The following RUBCN variants were observed in gnomAD, a reference collection of about 807,000 sequenced individuals.
The protein encoded by RUBCN is run domain Beclin-1-interacting and cysteine-rich domain-containing protein.
In RUBCN, 74 loss-of-function variants were observed where a neutral mutation model predicts 113.2. The observed-to-expected ratio is 0.65, with a 90% CI of 0.54 to 0.79. The LOEUF is 0.79. RUBCN is among the 30% of genes least tolerant of loss of function. The pLI is 0.00. For synonymous variants in RUBCN, 480 were observed against 490.0 expected, an observed-to-expected ratio of 0.98 and a Z score of 0.27; for missense variants, 1,109 against 1,251.7, an observed-to-expected ratio of 0.89 and a Z score of 1.72.
intron 7 of RUBCN, among the ~76,000 whole-genome samples, chr3:197,698,829 CA>C (rs113975138): frequency 0.08 from 2,480 of 31,044 alleles, 13 homozygotes; most frequent in Middle Eastern, 0.14. Flanking sequence ...CCTGTCTCTA[CA>C]AAAAAAAAAA....
chr3:197,718,156 C>T (rs773311298), intron 1 of RUBCN, 26 bp from the exon 2 acceptor site: 9 of 1,613,760 alleles, frequency 5.6e-6, no homozygotes, highest in East Asian at 2.2e-5. Context: ...TTACACCAAT[C>T]GTTAGTTACC....
At chr3:197,712,732 A>G (rs969240430) in intron 2 of RUBCN, among the ~76,000 whole-genome samples, 1 of 152,178 alleles carries the variant, frequency 6.6e-6, no homozygotes, top group Non-Finnish European at 1.5e-5. Flanking sequence ...GGAGGCATGT[A>G]AAAAAGGAGA....
intron 1 of RUBCN, among the ~76,000 whole-genome samples, chr3:197,733,465 CAG>C: frequency 6.6e-6 from 1 of 152,146 alleles, no homozygotes; most frequent in Non-Finnish European, 1.5e-5. Context: ...CTGAGTGACA[CAG>C]TGAGACCCTA....
rs569883123 is a variant in RUBCN at position 197,712,767 on chromosome 3, T to C, written c.219+5210A>G. 1.1e-4 allele frequency among the ~76,000 whole-genome samples: 16 copies of C among 151,696 alleles called. No individual in the cohort carries two copies. In the South Asian group the frequency reaches 1.2e-3, roughly 12 times the overall value. ...AGAGAAAAGATAAAATAAAAACAAATAAAAAAATTAAAAATACTACTGCTA... is the reference window on the plus strand; with the variant it reads ...AGAGAAAAGATAAAATAAAAACAAACAAAAAAATTAAAAATACTACTGCTA... On this transcript the variant is annotated intron_variant, in intron 2 of 19. Transcript: ENST00000296343.
chr3:197,735,844 TC>T (rs749107128), intron 1 of RUBCN, among the ~76,000 whole-genome samples: 68 of 152,016 alleles, frequency 4.5e-4, no homozygotes, highest in Admixed American at 6.6e-5. Flanking sequence ...CGCCTCAGCC[TC>T]CCCCAAGGTG....
chr3:197,726,278 G>A (rs986010190), intron 1 of RUBCN, among the ~76,000 whole-genome samples: 2 of 151,574 alleles, frequency 1.3e-5, no homozygotes, highest in East Asian at 1.9e-4. Flanking sequence ...ACGGAGTCTC[G>A]CTCTGTCGCC....
intron 11 of RUBCN, 21 bp from the exon 12 acceptor site, chr3:197,684,238 A>C: frequency 6.2e-7 from 1 of 1,606,502 alleles, no homozygotes; most frequent in South Asian, 1.1e-5. Flanking sequence ...ACCAGAGATA[A>C]GGGGAGCGCA....
chr3:197,733,091 T>C (rs1397777908), intron 1 of RUBCN, among the ~76,000 whole-genome samples: 2 of 152,256 alleles, frequency 1.3e-5, no homozygotes, highest in Non-Finnish European at 2.9e-5. Context: ...AGGATTCAAA[T>C]GCAGGTCTGA....
rs746614261 is a variant in RUBCN at position 197,696,978 on chromosome 3, G to C, written c.1333C>G (p.Pro445Ala). 4.4e-6 allele frequency: 7 copies of C among 1,603,312 alleles called. No individual in the cohort carries two copies. In the South Asian group the frequency reaches 6.6e-5, roughly 15 times the overall value. Residue 445 changes from proline (P) to alanine (A), a missense_variant, in exon 8 of 20, where the codon CCC becomes GCC. Pro to Ala is a conservative substitution (Grantham distance 27, BLOSUM62 -1). Coordinates refer to ENST00000296343, the MANE Select transcript of RUBCN (RefSeq NM_014687.4). ...CCATATTCCATGTACAGAGAGCTGGGTGTGCTGACTTCACTGCTTTGACCA... is the reference window on the plus strand; with the variant it reads ...CCATATTCCATGTACAGAGAGCTGGCTGTGCTGACTTCACTGCTTTGACCA... ...YSGQSSEVST[P>A]SSLYMEYEGG...
intron 1 of RUBCN, among the ~76,000 whole-genome samples, chr3:197,734,301 G>A (rs1020149924): frequency 1.3e-5 from 2 of 150,316 alleles, no homozygotes; most frequent in African/African-American, 2.4e-5. Flanking sequence ...CGGCATGGTC[G>A]CTCATGCCTG....
At chr3:197,749,594 GCAGGAGGGA>G (rs754366581) in exon 1 of RUBCN, 11 of 1,220,804 alleles carry the variant, frequency 9.0e-6, no homozygotes, top group African/African-American at 1.5e-5. Context: ...CCTGTCTGCA[GCAGGAGGGA>G]CTCGAAGGAC....
At chr3:197,731,829 C>T (rs1296999676) in intron 1 of RUBCN, among the ~76,000 whole-genome samples, 2 of 151,060 alleles carry the variant, frequency 1.3e-5, no homozygotes, top group African/African-American at 4.9e-5. Context: ...CGGGACAGGG[C>T]GGCTGGCCGG....
At chr3:197,692,632 G>A (rs1446618707) in intron 11 of RUBCN, among the ~76,000 whole-genome samples, 3 of 152,110 alleles carry the variant, frequency 2.0e-5, no homozygotes, top group Non-Finnish European at 4.4e-5. Flanking sequence ...AATTGGAGAG[G>A]AGTTGGAAAA....
intron 7 of RUBCN, 190 bp downstream of exon 7, chr3:197,700,423 C>G: frequency 1.6e-6 from 1 of 619,222 alleles, no homozygotes. Context: ...TATAAAGAAA[C>G]AAACATAAAT....
chr3:197,736,526 G>A, intron 1 of RUBCN, 129 bp downstream of exon 1: 1 of 465,404 alleles, frequency 2.1e-6, no homozygotes, highest in Non-Finnish European at 3.8e-6. Context: ...TCCCAAACAA[G>A]TCCTCCGCAG....
intron 1 of RUBCN, among the ~76,000 whole-genome samples, chr3:197,722,585 G>A (rs1211284004): frequency 6.7e-6 from 1 of 150,170 alleles, no homozygotes; most frequent in Non-Finnish European, 1.5e-5. Flanking sequence ...CATATTTAAG[G>A]TGCTCCCATG....
chr3:197,736,882 G>T lies in RUBCN; in HGVS notation c.-163C>A. The T allele has an allele frequency of 4.4e-6, 6 of 1,372,502 alleles. No individual in the cohort carries two copies. The highest frequency in any genetic ancestry group is 5.6e-6 in the Non-Finnish European group (6 of 1,070,298). 85.0% of individuals were successfully genotyped at this position (1,372,502 alleles called of 1,614,324 possible). A position where few individuals can be genotyped will look rare whatever the true frequency, so the allele number is the denominator to read the frequency against. On this transcript the variant is annotated 5_prime_UTR_variant, in exon 1 of 20. Coordinates refer to ENST00000296343, the MANE Select transcript of RUBCN (RefSeq NM_014687.4). ...GACAGCGGGAGGGACCGCCGCCTGG[G>T]CTGCGGCTTCTATCCCGGCCACCCC...
At chr3:197,711,038 C>T (rs1009422853) in intron 2 of RUBCN, among the ~76,000 whole-genome samples, 1 of 152,174 alleles carries the variant, frequency 6.6e-6, no homozygotes, top group Non-Finnish European at 1.5e-5. Flanking sequence ...ATTGGCCAGG[C>T]TGGTCTCAAA....
In RUBCN at chr3:197,736,891, T is replaced by C; in HGVS notation, c.-172A>G. On this transcript the variant is annotated 5_prime_UTR_variant, in exon 1 of 20. Transcript: ENST00000296343. ...AGGGACCGCCGCCTGGGCTGCGGCT[T>C]CTATCCCGGCCACCCCCACTTCCGG... 7.3e-7 allele frequency: 1 copy of C among 1,369,018 alleles called. No homozygotes were observed. The highest frequency in any genetic ancestry group is 1.7e-5 in the South Asian group (1 of 58,876). The allele number at this position is 1,369,018 out of a possible 1,614,324, so 84.8% of individuals were successfully genotyped here.
Sources: gnomAD v4.1 joint callset for allele counts (sites outside exome capture counted in the v4.1 genomes callset) on GRCh38, gnomAD v4.1.1 for gene constraint, MANE v1.5 for transcripts, NCBI Gene and HGNC (gene_info 2026-07-23, HGNC 2026-07-21) for gene names.